Variants in ADD2 observed in about 807,000 individuals in gnomAD.
ADD2 encodes the protein beta-adducin.
ADD2 carries 23 observed loss-of-function variants against 83.0 expected under a neutral mutation model. That is an observed-to-expected ratio of 0.28 (90% CI 0.20 to 0.39). ADD2 has a LOEUF of 0.39. Among genes scored for constraint, ADD2 ranks in the 10% least tolerant of loss-of-function variants. The probability of loss-of-function intolerance (pLI) is 1.00; values close to 1 mark genes in which losing one functional copy is unlikely to be tolerated. For missense variants in ADD2, 758 were observed against 944.9 expected (o/e 0.80, Z 2.59); for synonymous variants, 375 against 375.4 (o/e 1.00, Z 0.01).
intron 2 of ADD2, chr2:70,711,236 A>G (rs546479936): frequency 6.6e-6 from 1 of 152,206 alleles, no homozygotes; most frequent in Non-Finnish European, 1.5e-5. Flanking sequence ...AGAGTTTCAA[A>G]AACCTTTGGA....
At position 70,758,793 on chromosome 2, in the gene ADD2, T is replaced by C. The variant is rs557212376; in HGVS notation, c.-154+9093A>G. The stretch of plus-strand genomic sequence containing the variant: ...CCAGCCTGGGCAACAGAGCGAGACC[T>C]TGTCTCAGAAAAACAATAATAATAA... On this transcript the variant is annotated intron_variant, in intron 1 of 15. Transcript: ENST00000264436. 8.5e-5 allele frequency among the ~76,000 whole-genome samples: 13 copies of C among 152,184 alleles called. No homozygotes were observed. The East Asian group carries it at 2.5e-3, about 29-fold the overall frequency.
intron 7 of ADD2, 45 bp from the exon 8 acceptor site, chr2:70,690,974 C>T (rs1278860207): frequency 1.9e-6 from 3 of 1,582,702 alleles, no homozygotes; most frequent in East Asian, 2.2e-5. Flanking sequence ...CCCTCCCTGC[C>T]CTTTCCTCAG....
At chr2:70,717,276 T>C (rs782110568) in intron 1 of ADD2, among the ~76,000 whole-genome samples, 4 of 152,170 alleles carry the variant, frequency 2.6e-5, no homozygotes, top group Non-Finnish European at 5.9e-5. Context: ...ACCAAGTACA[T>C]GTAACCACTG....
chr2:70,714,415 G>A (rs1258689793), intron 1 of ADD2, among the ~76,000 whole-genome samples: 1 of 152,146 alleles, frequency 6.6e-6, no homozygotes, highest in Admixed American at 6.5e-5. Flanking sequence ...AACTCATCTT[G>A]GTAGGTACAA....
chr2:70,741,609 AATATG>A (rs1443225991), intron 1 of ADD2, among the ~76,000 whole-genome samples: 1 of 152,186 alleles, frequency 6.6e-6, no homozygotes, highest in Non-Finnish European at 1.5e-5. Flanking sequence ...TAGTCAATAA[AATATG>A]AACAAACGTT....
At chr2:70,766,600 A>T (rs1164728820) in intron 1 of ADD2, among the ~76,000 whole-genome samples, 1 of 152,212 alleles carries the variant, frequency 6.6e-6, no homozygotes, top group Non-Finnish European at 1.5e-5. Flanking sequence ...TAATGCCATT[A>T]ATGAGAACAC....
chr2:70,669,960 G>C (rs1669834562), intron 15 of ADD2, among the ~76,000 whole-genome samples: 1 of 152,200 alleles, frequency 6.6e-6, no homozygotes, highest in African/African-American at 2.4e-5. Flanking sequence ...TACCAGGCAT[G>C]TAAGTGCACC....
At chr2:70,741,629 T>C (rs1673914470) in intron 1 of ADD2, among the ~76,000 whole-genome samples, 1 of 152,232 alleles carries the variant, frequency 6.6e-6, no homozygotes, top group Non-Finnish European at 1.5e-5. Flanking sequence ...AACGTTCTTC[T>C]GGGAAGAAGC....
Position 70,674,656 on chromosome 2 carries a change from GGT to G in ADD2, c.1741+20_1741+21del, listed in dbSNP as rs56014211. Reference sequence around the variant, plus strand: ...CCACCCTGGGGGACTTGGAAGCAAGGGTGTGCCTCAGGGTCATTTACCATCAA... The same window carrying G: ...CCACCCTGGGGGACTTGGAAGCAAGGGTGCCTCAGGGTCATTTACCATCAA... On this transcript the variant is annotated intron_variant, in intron 14 of 15. Coordinates refer to ENST00000264436, the MANE Select transcript of ADD2 (RefSeq NM_001617.4). 232,989 of 1,607,252 alleles carry G rather than the reference GGT, an allele frequency of 0.14. 18,205 individuals are homozygous for G. The highest frequency in any genetic ancestry group is 0.26 in the Admixed American group (15,625 of 59,502).
At position 70,656,886 on chromosome 2, in the gene ADD2, C is replaced by T. The variant is rs1215205385; in HGVS notation, c.*6539G>A. The T allele has an allele frequency of 5.9e-5, 9 of 152,088 alleles. No individual in the cohort carries two copies. Among genetic ancestry groups the T allele is most frequent in the Admixed American group, 3.3e-4 (5 of 15,252 alleles). 9.4% of individuals were successfully genotyped at this position (152,088 alleles called of 1,614,324 possible). A position where few individuals can be genotyped will look rare whatever the true frequency, so the allele number is the denominator to read the frequency against. ...GGCAGAGATGCCACCGCAGCATCAC[C>T]GTCAGACACCAAAGCAGCAGGAGGG... On this transcript the variant is annotated 3_prime_UTR_variant, in exon 16 of 16. Transcript: ENST00000264436.
intron 6 of ADD2, among the ~76,000 whole-genome samples, chr2:70,693,665 C>T (rs1671163373): frequency 6.6e-6 from 1 of 152,236 alleles, no homozygotes; most frequent in Middle Eastern, 3.2e-3. Flanking sequence ...GCTGCAGCAA[C>T]TCTCCCGCCT....
chr2:70,737,671 A>G lies in ADD2; in HGVS notation c.-153-24487T>C, dbSNP rs1438871612. 2.6e-5 allele frequency among the ~76,000 whole-genome samples: 4 copies of G among 152,114 alleles called. No homozygotes were observed. The East Asian group carries it at 5.8e-4, about 22-fold the overall frequency. ...GCACACCAACATGGCGCATGTATAC[A>G]TATGTAACAAACCTGCACATTGTGC... On this transcript the variant is annotated intron_variant, in intron 1 of 15. Transcript: ENST00000264436.
intron 1 of ADD2, among the ~76,000 whole-genome samples, chr2:70,748,590 A>T (rs1674351207): frequency 6.6e-6 from 1 of 152,194 alleles, no homozygotes; most frequent in Non-Finnish European, 1.5e-5. Flanking sequence ...CCTGGTGATT[A>T]GAACGTGTGA....
intron 2 of ADD2, among the ~76,000 whole-genome samples, chr2:70,711,438 C>T (rs1672172572): frequency 6.6e-6 from 1 of 152,138 alleles, no homozygotes; most frequent in African/African-American, 2.4e-5. Flanking sequence ...CCCCACCAAT[C>T]CCGCCACTTC....
At chr2:70,697,691 C>T (rs1208400330) in intron 4 of ADD2, among the ~76,000 whole-genome samples, 4 of 152,206 alleles carry the variant, frequency 2.6e-5, no homozygotes, top group African/African-American at 9.6e-5. Flanking sequence ...TATCCTGCAT[C>T]GAGTGTGCCA....
chr2:70,731,373 A>C (rs535755798), intron 1 of ADD2, among the ~76,000 whole-genome samples: 1 of 152,338 alleles, frequency 6.6e-6, no homozygotes, highest in African/African-American at 2.4e-5. Context: ...GGCTGACACT[A>C]AAGTATGGGA....
chr2:70,669,833 G>A (rs531414095), intron 15 of ADD2, among the ~76,000 whole-genome samples: 3 of 152,276 alleles, frequency 2.0e-5, no homozygotes, highest in Admixed American at 6.5e-5. Flanking sequence ...CCGCATGGGT[G>A]GGCCCTGAGA....
At chr2:70,704,263 T>TGGCCCCCCCCCCCCCCCCCCCCCCCCACC in intron 4 of ADD2, 58 bp downstream of exon 4, 1 of 913,238 alleles carries the variant, frequency 1.1e-6, no homozygotes, top group Non-Finnish European at 1.7e-6. Flanking sequence ...CTCCCTCTCT[T>TGGCCCCCCCCCCCCCCCCCCCCCCCCACC]CCCCACCCCA....
chr2:70,731,831 C>A (rs782520148), intron 1 of ADD2, among the ~76,000 whole-genome samples: 22 of 152,190 alleles, frequency 1.4e-4, no homozygotes, highest in Non-Finnish European at 2.6e-4. Context: ...ATATGGCCAG[C>A]CCATATGTGT....
Sources: allele counts gnomAD v4.1 joint callset (sites outside exome capture counted in the v4.1 genomes callset), GRCh38; gene constraint gnomAD v4.1.1; transcripts MANE v1.5; gene names NCBI Gene and HGNC (gene_info 2026-07-23, HGNC 2026-07-21).